ENTREP2: variants seen among roughly 807,000 people sequenced by gnomAD.
ENTREP2 encodes the protein protein ENTREP2.
At chr15:29,584,442 C>CGT in the ENTREP2 span, among the ~76,000 whole-genome samples, 5 of 91,884 alleles carry the variant, frequency 5.4e-5, no homozygotes, top group Non-Finnish European at 1.1e-4. Context: ...TGTGTGTGTG[C>CGT]ATGTGTGTGT....
the ENTREP2 span, among the ~76,000 whole-genome samples, chr15:29,190,971 G>A: frequency 1.3e-5 from 2 of 152,280 alleles, no homozygotes; most frequent in South Asian, 4.2e-4. Context: ...GGAAGGGGCT[G>A]TCCTGGATAT....
At chr15:29,147,339 G>T in the ENTREP2 span, among the ~76,000 whole-genome samples, 4 of 152,274 alleles carry the variant, frequency 2.6e-5, no homozygotes, top group African/African-American at 9.6e-5. Context: ...AAACCACAAT[G>T]AAATACCACT....
chr15:29,239,034 T>G, the ENTREP2 span, among the ~76,000 whole-genome samples: 5 of 152,148 alleles, frequency 3.3e-5, no homozygotes, highest in Non-Finnish European at 5.9e-5. Context: ...ATTGTTTTGT[T>G]TTTTGAAAAA....
chr15:29,626,325 T>C, the ENTREP2 span, among the ~76,000 whole-genome samples: 3 of 152,166 alleles, frequency 2.0e-5, no homozygotes, highest in African/African-American at 7.2e-5. Flanking sequence ...AATTGAATCA[T>C]GGGGGCGGTT....
the ENTREP2 span, among the ~76,000 whole-genome samples, chr15:29,598,473 G>A: frequency 2.6e-5 from 4 of 152,156 alleles, no homozygotes; most frequent in Admixed American, 2.6e-4. Context: ...AGAACATTTT[G>A]CAGCTAGTTT....
At chr15:29,374,199 G>A in the ENTREP2 span, 9 of 152,074 alleles carry the variant, frequency 5.9e-5, no homozygotes, top group African/African-American at 2.2e-4. Flanking sequence ...AGCAATTCAT[G>A]GAAGAAATTC....
the ENTREP2 span, among the ~76,000 whole-genome samples, chr15:29,223,309 C>T: frequency 1.3e-5 from 2 of 152,308 alleles, no homozygotes; most frequent in Middle Eastern, 3.4e-3. Flanking sequence ...GACAAGTCCT[C>T]CTGGTTCTGG....
At chr15:29,269,956 T>C in the ENTREP2 span, 105 of 449,228 alleles carry the variant, frequency 2.3e-4, no homozygotes, top group African/African-American at 1.8e-3. Context: ...TTTAGTATAG[T>C]GAAGTGTTGT....
At chr15:29,588,030 G>T in the ENTREP2 span, among the ~76,000 whole-genome samples, 1 of 152,158 alleles carries the variant, frequency 6.6e-6, no homozygotes, top group African/African-American at 2.4e-5. Flanking sequence ...TCATCATTTT[G>T]CAAATCACAA....
chr15:29,367,747 C>A, the ENTREP2 span, among the ~76,000 whole-genome samples: 2 of 152,072 alleles, frequency 1.3e-5, no homozygotes, highest in African/African-American at 4.8e-5. Context: ...TGTACTGGCT[C>A]CAGGCATTTA....
the ENTREP2 span, among the ~76,000 whole-genome samples, chr15:29,549,518 C>A: frequency 6.6e-6 from 1 of 152,192 alleles, no homozygotes; most frequent in African/African-American, 2.4e-5. Flanking sequence ...GATCCGCCCG[C>A]CTCGGCCTCC....
At chr15:29,517,501 T>A in the ENTREP2 span, among the ~76,000 whole-genome samples, 1 of 152,122 alleles carries the variant, frequency 6.6e-6, no homozygotes, top group Non-Finnish European at 1.5e-5. Flanking sequence ...CCTCTGCGCT[T>A]CTACACTTGA....
the ENTREP2 span, among the ~76,000 whole-genome samples, chr15:29,154,702 G>C: frequency 6.6e-6 from 1 of 152,204 alleles, no homozygotes; most frequent in South Asian, 2.1e-4. Flanking sequence ...TGGGCACACA[G>C]AGTCTAGCAG....
the ENTREP2 span, among the ~76,000 whole-genome samples, chr15:29,604,303 T>C: frequency 6.6e-6 from 1 of 152,232 alleles, no homozygotes; most frequent in Admixed American, 6.5e-5. Context: ...TGGATCATAT[T>C]CCACATTGTG....
At chr15:29,467,719 C>T in the ENTREP2 span, among the ~76,000 whole-genome samples, 3 of 152,162 alleles carry the variant, frequency 2.0e-5, no homozygotes, top group Non-Finnish European at 2.9e-5. Flanking sequence ...GTTGAACATC[C>T]GTAGCCCAAT....
the ENTREP2 span, among the ~76,000 whole-genome samples, chr15:29,592,257 G>T: frequency 6.6e-6 from 1 of 152,164 alleles, no homozygotes. Flanking sequence ...CCAAAATCAG[G>T]CAAGTCATGC....
chr15:29,355,718 T>C, the ENTREP2 span, among the ~76,000 whole-genome samples: 1 of 152,314 alleles, frequency 6.6e-6, no homozygotes, highest in East Asian at 1.9e-4. Context: ...ACATTGAAAG[T>C]AACAGATGGC....
At chr15:29,584,443 A>ATGTGTG in the ENTREP2 span, among the ~76,000 whole-genome samples, 19 of 138,818 alleles carry the variant, frequency 1.4e-4, no homozygotes, top group Admixed American at 5.0e-4. Flanking sequence ...GTGTGTGTGC[A>ATGTGTG]TGTGTGTGTG....
At chr15:29,210,567 T>A in the ENTREP2 span, among the ~76,000 whole-genome samples, 1 of 152,218 alleles carries the variant, frequency 6.6e-6, no homozygotes, top group African/African-American at 2.4e-5. Context: ...TGCACGCTCC[T>A]TATAAGAATC....
Sources: gnomAD v4.1 joint callset for allele counts (sites outside exome capture counted in the v4.1 genomes callset) on GRCh38, gnomAD v4.1.1 for gene constraint, MANE v1.5 for transcripts, NCBI Gene and HGNC (gene_info 2026-07-23, HGNC 2026-07-21) for gene names.